Variants in PCDH10 observed in about 807,000 individuals in gnomAD.
PCDH10 encodes the protein protocadherin 10, also known as protocadherin-10.
A neutral mutation model predicts 74.4 loss-of-function variants in PCDH10; 15 were observed. The observed-to-expected ratio is 0.20, with a 90% CI of 0.13 to 0.31. PCDH10 has a LOEUF of 0.31. PCDH10 is among the 10% of genes least tolerant of loss of function. The pLI, the probability that PCDH10 is intolerant of heterozygous loss-of-function variation, is 1.00. For missense variants in PCDH10, 1,260 were observed against 1,390.2 expected, an observed-to-expected ratio of 0.91 and a Z score of 1.49; for synonymous variants, 619 against 589.8, an observed-to-expected ratio of 1.05 and a Z score of -0.72.
chr4:133,178,627 T>A (rs147908792), intron 4 of PCDH10, among the ~76,000 whole-genome samples: 6 of 151,052 alleles, frequency 4.0e-5, no homozygotes, highest in African/African-American at 1.5e-4. Context: ...ATGTGACGGG[T>A]TATTTTTGCA....
chr4:133,174,785 G>A (rs1452876178), intron 4 of PCDH10, among the ~76,000 whole-genome samples: 1 of 150,984 alleles, frequency 6.6e-6, no homozygotes, highest in East Asian at 2.0e-4. Flanking sequence ...GTTATATTAT[G>A]GAGTGATGTG....
intron 4 of PCDH10, chr4:133,163,892 A>C (rs1329566097): frequency 2.3e-6 from 1 of 442,052 alleles, no homozygotes; most frequent in Non-Finnish European, 4.5e-6. Flanking sequence ...AAAGGAAAAA[A>C]ACAGAGGAAT....
chr4:133,204,981 T>C (rs2125878784), intron 2 of PCDH10, among the ~76,000 whole-genome samples: 1 of 152,308 alleles, frequency 6.6e-6, no homozygotes, highest in South Asian at 2.1e-4. Context: ...AAGTGCACCC[T>C]GGTTCCAAGG....
At chr4:133,206,243 C>G (rs972935199) in intron 2 of PCDH10, among the ~76,000 whole-genome samples, 3 of 152,230 alleles carry the variant, frequency 2.0e-5, no homozygotes, top group Admixed American at 1.3e-4. Flanking sequence ...CTAGACGACC[C>G]AAGATCCAAA....
rs2125857220 is a variant in PCDH10 at position 133,150,614 on chromosome 4, C to T, written c.474C>T (p.Asp158=). ...DPDVGTNSLR[D]YEITPNSYFS... ...ACGTGGGCACCAACTCCTTGCGCGACTACGAGATCACCCCCAACAGCTACT... is the reference window on the plus strand; with the variant it reads ...ACGTGGGCACCAACTCCTTGCGCGATTACGAGATCACCCCCAACAGCTACT... Residue 158 remains aspartate, a synonymous_variant, in exon 1 of 5, where the codon GAC becomes GAT. Transcript: ENST00000264360. 6.2e-7 allele frequency: 1 copy of T among 1,613,506 alleles called. No homozygotes were observed. Among genetic ancestry groups the T allele is most frequent in the Non-Finnish European group, 8.5e-7 (1 of 1,179,988 alleles).
chr4:133,163,166 C>T lies in PCDH10; in HGVS notation c.2987C>T (p.Ala996Val). The T allele has an allele frequency of 6.2e-7, 1 of 1,614,098 alleles. No homozygotes were observed. Among genetic ancestry groups the T allele is most frequent in the East Asian group, 2.2e-5 (1 of 44,862 alleles). The change falls in exon 4 of 5, where the codon GCA (alanine) becomes GTA (valine). Residue 996 changes from alanine (A) to valine (V), a missense_variant. Ala to Val is a moderately conservative substitution (Grantham distance 64). Coordinates refer to ENST00000264360, the MANE Select transcript of PCDH10 (RefSeq NM_032961.3). ...VFETPEAQPG[A>V]ERSFSTFGKE... ...GAAACTCCAGAAGCCCAGCCTGGGG[C>T]AGAGCGGTCCTTTTCCACCTTTGGC...
At chr4:133,198,900 AG>A (rs1435751407), downstream of PCDH10, among the ~76,000 whole-genome samples, 152 of 148,974 alleles carry the variant, frequency 1.0e-3, no homozygotes, top group Middle Eastern at 0.045. Flanking sequence ...AACACTCTAT[AG>A]AAGTGTCTAT....
chr4:133,162,856 A>C (rs961248418), intron 3 of PCDH10, 121 bp from the exon 4 acceptor site: 2 of 755,612 alleles, frequency 2.6e-6, no homozygotes, highest in Middle Eastern at 3.5e-4. Context: ...AGGATAAGCC[A>C]GGAAAAATTT....
intron 3 of PCDH10, among the ~76,000 whole-genome samples, chr4:133,159,125 A>G (rs974530543): frequency 1.3e-5 from 2 of 152,096 alleles, no homozygotes; most frequent in Admixed American, 1.3e-4. Flanking sequence ...TTAATTTATC[A>G]TATTTGGAAA....
Position 133,150,126 on chromosome 4 carries a change from C to A in PCDH10, c.-15C>A. ...GCTGACTGGCTGCGGGAAGCTACTT[C>A]CTTTCCTTTTGGAGATGATTGTGCT... On this transcript the variant is annotated 5_prime_UTR_variant, in exon 1 of 5. Coordinates refer to ENST00000264360, the MANE Select transcript of PCDH10 (RefSeq NM_032961.3). The A allele has an allele frequency of 5.4e-6, 8 of 1,489,828 alleles. No homozygotes were observed. The highest frequency in any genetic ancestry group is 6.3e-6 in the Non-Finnish European group (7 of 1,116,808). 92.3% of individuals were successfully genotyped at this position (1,489,828 alleles called of 1,614,324 possible).
rs1727744809 is a variant in PCDH10, at chr4:133,194,252, T to TAAAAAG, written c.*4092_*4093insAAAAAG. ...TCTTGAAAAGTTGTCACATGCTTAGTTTGAAGTTTTACTCTCCAGATGTTT... is the reference window on the plus strand; with the variant it reads ...TCTTGAAAAGTTGTCACATGCTTAGTAAAAAGTTGAAGTTTTACTCTCCAGATGTTT... On this transcript the variant is annotated 3_prime_UTR_variant, in exon 5 of 5. Coordinates refer to ENST00000264360, the MANE Select transcript of PCDH10 (RefSeq NM_032961.3). The TAAAAAG allele has an allele frequency of 6.6e-6, 1 of 151,854 alleles. No homozygotes were observed. The highest frequency in any genetic ancestry group is 1.5e-5 in the Non-Finnish European group (1 of 67,794). 9.4% of individuals were successfully genotyped at this position (151,854 alleles called of 1,614,324 possible). A position where few individuals can be genotyped will look rare whatever the true frequency, so the allele number is the denominator to read the frequency against.
At chr4:133,182,614 T>A (rs1461665371) in intron 4 of PCDH10, among the ~76,000 whole-genome samples, 1 of 152,026 alleles carries the variant, frequency 6.6e-6, no homozygotes, top group Non-Finnish European at 1.5e-5. Flanking sequence ...TCCAGAAAAA[T>A]TTTCAGTGAT....
chr4:133,160,300 C>T (rs1726941256), intron 3 of PCDH10, among the ~76,000 whole-genome samples: 1 of 151,744 alleles, frequency 6.6e-6, no homozygotes, highest in African/African-American at 2.4e-5. Context: ...AGGACTTCCA[C>T]TTTAAAAGGA....
chr4:133,184,630 G>A (rs1727493404), intron 4 of PCDH10, among the ~76,000 whole-genome samples: 1 of 143,716 alleles, frequency 7.0e-6, no homozygotes, highest in Non-Finnish European at 1.5e-5. Context: ...TAAATAAACC[G>A]GTTTTATTAT....
rs1727007129 is a variant in PCDH10 at position 133,163,182 on chromosome 4, C to T, written c.3003C>T (p.Ser1001=). ...AGCCTGGGGCAGAGCGGTCCTTTTC[C>T]ACCTTTGGCAAAGAGAAGGCCCTTC... ...EAQPGAERSF[S]TFGKEKALHS... The change falls in exon 4 of 5, where the codon TCC becomes TCT. Residue 1001 remains serine (S), a synonymous_variant. Transcript: ENST00000264360. The T allele has an allele frequency of 1.9e-6, 3 of 1,614,108 alleles. No homozygotes were observed. Among genetic ancestry groups the T allele is most frequent in the Admixed American group, 1.7e-5 (1 of 60,000 alleles).
At chr4:133,172,933 G>T (rs1382069741) in intron 4 of PCDH10, among the ~76,000 whole-genome samples, 2 of 151,806 alleles carry the variant, frequency 1.3e-5, no homozygotes, top group African/African-American at 2.4e-5. Context: ...TCTATCTTTG[G>T]AGTTCTCTTT....
intron 4 of PCDH10, among the ~76,000 whole-genome samples, chr4:133,185,970 C>T (rs1727534515): frequency 6.6e-6 from 1 of 152,096 alleles, no homozygotes; most frequent in South Asian, 2.1e-4. Flanking sequence ...GTACTGACCA[C>T]TTTACAATTA....
intron 3 of PCDH10, 34 bp downstream of exon 3, chr4:133,155,057 C>A: frequency 7.3e-7 from 1 of 1,377,700 alleles, no homozygotes; most frequent in Non-Finnish European, 1.0e-6. Context: ...TAAATGCTAA[C>A]TTTTATAGTT....
rs1029131192 is a variant in PCDH10 at position 133,194,686 on chromosome 4, C to G, written c.*4526C>G. The G allele has an allele frequency of 1.3e-5, 2 of 151,836 alleles. No homozygotes were observed. The highest frequency in any genetic ancestry group is 2.9e-5 in the Non-Finnish European group (2 of 67,860). The allele number at this position is 151,836 out of a possible 1,614,324, so 9.4% of individuals were successfully genotyped here. On this transcript the variant is annotated 3_prime_UTR_variant, in exon 5 of 5. Transcript: ENST00000264360. ...ATAAAAATCAGTGGCAAATATGGCT[C>G]TAAGTTTAAAAACATCTAATGCTGA...
Sources: allele counts gnomAD v4.1 joint callset (sites outside exome capture counted in the v4.1 genomes callset), GRCh38; gene constraint gnomAD v4.1.1; transcripts MANE v1.5; gene names NCBI Gene and HGNC (gene_info 2026-07-23, HGNC 2026-07-21).